PLXDC1: variants seen among roughly 807,000 people sequenced by gnomAD.
PLXDC1 encodes the protein plexin domain containing 1, also known as plexin domain-containing protein 1.
A neutral mutation model predicts 61.3 loss-of-function variants in PLXDC1; 39 were observed. The ratio of observed to expected loss-of-function variants is 0.64; its 90% CI spans 0.49 to 0.83. PLXDC1 has a LOEUF of 0.83. PLXDC1 is among the 40% of genes least tolerant of loss of function. The pLI is 0.00. For missense variants in PLXDC1, 596 were observed against 666.5 expected, an observed-to-expected ratio of 0.89 and a Z score of 1.17; for synonymous variants, 212 against 254.5, an observed-to-expected ratio of 0.83 and a Z score of 1.59.
chr17:39,113,943 C>G (rs570757179), intron 2 of PLXDC1, among the ~76,000 whole-genome samples: 1 of 152,250 alleles, frequency 6.6e-6, no homozygotes, highest in African/African-American at 2.4e-5. Context: ...TACCATGTGA[C>G]ACAGGCTGGC....
chr17:39,106,733 T>G (rs1219024567), intron 6 of PLXDC1, among the ~76,000 whole-genome samples: 4 of 142,398 alleles, frequency 2.8e-5, no homozygotes, highest in Non-Finnish European at 6.0e-5. Flanking sequence ...CACTGCAACC[T>G]CCAACTCCTG....
chr17:39,085,451 G>A (rs1225160262), intron 8 of PLXDC1, among the ~76,000 whole-genome samples: 1 of 152,236 alleles, frequency 6.6e-6, no homozygotes, highest in Non-Finnish European at 1.5e-5. Flanking sequence ...CAATATATAA[G>A]TGCTCTTGTT....
chr17:39,092,736 C>T (rs1910003943), intron 7 of PLXDC1, among the ~76,000 whole-genome samples: 1 of 150,418 alleles, frequency 6.6e-6, no homozygotes, highest in Non-Finnish European at 1.5e-5. Context: ...TTTTAAAAAA[C>T]CTCAGGGCTG....
rs374868951 is a variant in PLXDC1 at position 39,067,925 on chromosome 17, C to T, written c.1418G>A (p.Arg473His). The change falls in exon 14 of 14, where the codon CGC becomes CAC. Residue 473 changes from arginine to histidine, a missense_variant. Physicochemically the swap from Arg to His is conservative, Grantham distance 29 (BLOSUM62 0). Transcript: ENST00000315392. The stretch of plus-strand genomic sequence containing the variant: ...ATAGGTGGAATGGTCAGGGTGGCTG[C>T]GAAACTTCATGGCTGGCCAGTGGTG... ...RPHHWPAMKF[R>H]SHPDHSTYAE... 1.5e-5 allele frequency: 25 copies of T among 1,613,840 alleles called. No homozygotes were observed. Among genetic ancestry groups the T allele is most frequent in the South Asian group, 8.8e-5 (8 of 91,078 alleles).
At chr17:39,123,016 C>G (rs1484384588) in intron 2 of PLXDC1, among the ~76,000 whole-genome samples, 1 of 152,212 alleles carries the variant, frequency 6.6e-6, no homozygotes, top group Non-Finnish European at 1.5e-5. Flanking sequence ...AAGCGCTCCT[C>G]AGACCCTCGG....
rs373926755 is a variant in PLXDC1 at position 39,111,530 on chromosome 17, C to A, written c.256-2139G>T. Among the ~76,000 whole-genome samples, 34 of 152,262 alleles carry A rather than the reference C, an allele frequency of 2.2e-4. No homozygotes were observed. The South Asian group carries it at 6.8e-3, about 31-fold the overall frequency. On this transcript the variant is annotated intron_variant, in intron 2 of 13. Coordinates refer to ENST00000315392, the MANE Select transcript of PLXDC1 (RefSeq NM_020405.5). ...AAACTCCTGACCTCAAGTGATCCACCCACCTGGGCCTCCCAAGGTGCTGGG... is the reference window on the plus strand; with the variant it reads ...AAACTCCTGACCTCAAGTGATCCACACACCTGGGCCTCCCAAGGTGCTGGG...
At chr17:39,152,184 A>AC (rs528008988), upstream of PLXDC1, among the ~76,000 whole-genome samples, 13 of 89,306 alleles carry the variant, frequency 1.5e-4, no homozygotes, top group East Asian at 3.3e-3. Context: ...TTATCCCTCC[A>AC]CCCCCCATTT....
intron 7 of PLXDC1, among the ~76,000 whole-genome samples, chr17:39,092,844 C>T (rs1006636002): frequency 2.0e-5 from 3 of 152,136 alleles, no homozygotes; most frequent in African/African-American, 7.2e-5. Flanking sequence ...GCAGAGGAGT[C>T]CTGAATTGCC....
chr17:39,080,838 C>T (rs960356304), intron 9 of PLXDC1: 2 of 152,440 alleles, frequency 1.3e-5, no homozygotes, highest in African/African-American at 4.8e-5. Flanking sequence ...CCCAGCCTGA[C>T]CAACCTCCTA....
chr17:39,131,266 T>A lies in PLXDC1; in HGVS notation c.255+8388A>T, dbSNP rs184729290. Among the ~76,000 whole-genome samples the A allele has an allele frequency of 7.7e-3, 1,168 of 152,142 alleles. 9 individuals are homozygous for A. The highest frequency in any genetic ancestry group is 0.027 in the African/African-American group (1,132 of 41,514). ...AGATCGAGGGCCAGGACTGCCGGGCTCCTCCACAGCACTGGAGACGACATC... is the reference window on the plus strand; with the variant it reads ...AGATCGAGGGCCAGGACTGCCGGGCACCTCCACAGCACTGGAGACGACATC... On this transcript the variant is annotated intron_variant, in intron 2 of 13. Transcript: ENST00000315392.
chr17:39,128,669 C>T (rs1185011960), intron 2 of PLXDC1, among the ~76,000 whole-genome samples: 1 of 152,136 alleles, frequency 6.6e-6, no homozygotes. Flanking sequence ...CACAGAGTTA[C>T]CATATGACCC....
Position 39,094,255 on chromosome 17 carries a change from C to T in PLXDC1, c.812-6553G>A, listed in dbSNP as rs1910060781. On this transcript the variant is annotated intron_variant, in intron 7 of 13. Transcript: ENST00000315392. ...TTGAAGCAGACTTTCACACACCATC[C>T]CCACTCATTACTCCCAGGGGCCATC... 2.6e-5 allele frequency among the ~76,000 whole-genome samples: 4 copies of T among 152,020 alleles called. No homozygotes were observed. In the South Asian group the frequency reaches 8.3e-4, roughly 32 times the overall value.
At position 39,132,850 on chromosome 17, in the gene PLXDC1, G is replaced by T. The variant is rs147657222; in HGVS notation, c.255+6804C>A. 7.2e-3 allele frequency among the ~76,000 whole-genome samples: 1,100 copies of T among 152,176 alleles called. 17 individuals are homozygous for T. The highest frequency in any genetic ancestry group is 0.025 in the African/African-American group (1,038 of 41,526). On this transcript the variant is annotated intron_variant, in intron 2 of 13. Transcript: ENST00000315392. The stretch of plus-strand genomic sequence containing the variant: ...AGGCAAAAGGCATGGCAGCCCACCC[G>T]CCAGCCCTCAGTCCCTTGATATGGC...
rs16494 is a variant in PLXDC1 at position 39,122,793 on chromosome 17, T to G, written c.256-13402A>C. Among the ~76,000 whole-genome samples the G allele has an allele frequency of 0.016, 2,365 of 152,300 alleles. 156 individuals carry two copies. In the East Asian group the frequency reaches 0.22, roughly 14 times the overall value. On this transcript the variant is annotated intron_variant, in intron 2 of 13. Coordinates refer to ENST00000315392, the MANE Select transcript of PLXDC1 (RefSeq NM_020405.5). Reference sequence around the variant, plus strand: ...TTGAAATGTGTGCAAGAAGCCCTGATCAATAATCCACATTTGTTTTGGGAG... The same window carrying G: ...TTGAAATGTGTGCAAGAAGCCCTGAGCAATAATCCACATTTGTTTTGGGAG...
At chr17:39,087,946 A>G (rs2143469988) in intron 7 of PLXDC1, among the ~76,000 whole-genome samples, 1 of 152,300 alleles carries the variant, frequency 6.6e-6, no homozygotes, top group East Asian at 1.9e-4. Flanking sequence ...GGCAGGACAA[A>G]TGGGATCCCA....
chr17:39,087,805 A>C, intron 7 of PLXDC1, 103 bp from the exon 8 acceptor site: 2 of 763,176 alleles, frequency 2.6e-6, no homozygotes, highest in Non-Finnish European at 4.5e-6. Context: ...CACTGAAGGC[A>C]GTAAGTGCAC....
At chr17:39,152,478 A>C, upstream of PLXDC1, 2 of 1,149,196 alleles carry the variant, frequency 1.7e-6, no homozygotes, top group Non-Finnish European at 2.2e-6. Context: ...CCCGCAATGT[A>C]GGATATTTAA....
chr17:39,152,875 A>G, upstream of PLXDC1: 1 of 404,092 alleles, frequency 2.5e-6, no homozygotes, highest in Non-Finnish European at 4.2e-6. Flanking sequence ...CGCCGGGCCC[A>G]GAGTCCCAGA....
chr17:39,069,176 G>A (rs1174727770), intron 13 of PLXDC1, among the ~76,000 whole-genome samples: 1 of 152,090 alleles, frequency 6.6e-6, no homozygotes, highest in Non-Finnish European at 1.5e-5. Context: ...TATGGTCAGG[G>A]CTCACTGCAG....
Sources: allele counts gnomAD v4.1 joint callset (sites outside exome capture counted in the v4.1 genomes callset), GRCh38; gene constraint gnomAD v4.1.1; transcripts MANE v1.5; gene names NCBI Gene and HGNC (gene_info 2026-07-23, HGNC 2026-07-21).